Variants in ARHGAP15 observed in about 807,000 individuals in gnomAD.
ARHGAP15 encodes Rho GTPase activating protein 15.
Under a neutral mutation model 63.7 loss-of-function variants are expected in ARHGAP15, and 51 were observed. The observed-to-expected ratio is 0.80, with a 90% CI of 0.64 to 1.01. ARHGAP15 has a LOEUF of 1.01. Among genes scored for constraint, ARHGAP15 ranks in the 50% least tolerant of loss-of-function variants. ARHGAP15 has a pLI of 0.00. For synonymous variants in ARHGAP15, 191 were observed against 193.8 expected (o/e 0.99, Z 0.12); for missense variants, 560 against 564.6 (o/e 0.99, Z 0.08).
chr2:143,526,561 A>G (rs1694291047), intron 10 of ARHGAP15, among the ~76,000 whole-genome samples: 1 of 152,204 alleles, frequency 6.6e-6, no homozygotes, highest in African/African-American at 2.4e-5. Flanking sequence ...AATAGCCTAT[A>G]CTGGTGTCAT....
chr2:143,528,567 A>G (rs896087918), intron 10 of ARHGAP15, among the ~76,000 whole-genome samples: 2 of 152,058 alleles, frequency 1.3e-5, no homozygotes, highest in Admixed American at 6.6e-5. Context: ...TTTCCTCCAA[A>G]TTTACTTCCT....
chr2:143,360,584 G>C (rs1186546343), intron 6 of ARHGAP15, among the ~76,000 whole-genome samples: 1 of 152,034 alleles, frequency 6.6e-6, no homozygotes, highest in Non-Finnish European at 1.5e-5. Flanking sequence ...TTGAAAACAG[G>C]AAACCTGAGT....
At chr2:143,321,408 C>T (rs879100053) in intron 6 of ARHGAP15, among the ~76,000 whole-genome samples, 1 of 152,330 alleles carries the variant, frequency 6.6e-6, no homozygotes, top group African/African-American at 2.4e-5. Flanking sequence ...GTTTTGCTCT[C>T]ATAGTCGGTT....
At chr2:143,201,944 T>A (rs552073613) in intron 2 of ARHGAP15, among the ~76,000 whole-genome samples, 190 bp from the exon 3 acceptor site, 54 of 152,140 alleles carry the variant, frequency 3.5e-4, no homozygotes, top group Non-Finnish European at 5.7e-4. Context: ...GTTTGAGATA[T>A]GCTTGCAGCC....
intron 5 of ARHGAP15, among the ~76,000 whole-genome samples, chr2:143,249,248 C>A (rs1429394575): frequency 6.6e-6 from 1 of 151,880 alleles, no homozygotes; most frequent in African/African-American, 2.4e-5. Flanking sequence ...CTGGGTTTAT[C>A]CTGTAGGAAA....
At chr2:143,148,710 A>G (rs547292127) in intron 1 of ARHGAP15, among the ~76,000 whole-genome samples, 3 of 152,102 alleles carry the variant, frequency 2.0e-5, no homozygotes, top group South Asian at 2.1e-4. Flanking sequence ...AATGTTACCC[A>G]ATGGGGTGGC....
chr2:143,651,240 T>G (rs549397796), intron 12 of ARHGAP15, among the ~76,000 whole-genome samples: 17 of 152,070 alleles, frequency 1.1e-4, no homozygotes, highest in Admixed American at 4.6e-4. Context: ...TCATCAAAAT[T>G]ATGAGCACAA....
At chr2:143,754,355 A>G (rs1302627278) in intron 13 of ARHGAP15, among the ~76,000 whole-genome samples, 2 of 152,206 alleles carry the variant, frequency 1.3e-5, no homozygotes, top group African/African-American at 4.8e-5. Flanking sequence ...GCAGATTAGC[A>G]GCAGAGAAAG....
chr2:143,654,786 T>C (rs948143674), intron 12 of ARHGAP15, among the ~76,000 whole-genome samples: 4 of 152,218 alleles, frequency 2.6e-5, no homozygotes, highest in Non-Finnish European at 4.4e-5. Context: ...TATCCAGTAA[T>C]GTTCTCTTGA....
At chr2:143,279,897 A>ATG (rs1292805201) in intron 6 of ARHGAP15, among the ~76,000 whole-genome samples, 4 of 152,134 alleles carry the variant, frequency 2.6e-5, no homozygotes, top group Admixed American at 2.0e-4. Flanking sequence ...ACAGATAGAG[A>ATG]TGGGCTTATT....
At chr2:143,192,161 CA>C (rs2105092542) in intron 2 of ARHGAP15, among the ~76,000 whole-genome samples, 1 of 152,286 alleles carries the variant, frequency 6.6e-6, no homozygotes, top group South Asian at 2.1e-4. Context: ...TGGTTTTGGC[CA>C]TTGGGTATTT....
intron 6 of ARHGAP15, among the ~76,000 whole-genome samples, chr2:143,264,964 T>C (rs1415486547): frequency 6.6e-6 from 1 of 152,188 alleles, no homozygotes; most frequent in Non-Finnish European, 1.5e-5. Flanking sequence ...TTACTCAGAT[T>C]GTTTACAGAA....
chr2:143,744,371 A>G (rs1423740273), intron 13 of ARHGAP15, among the ~76,000 whole-genome samples: 2 of 152,248 alleles, frequency 1.3e-5, no homozygotes, highest in African/African-American at 4.8e-5. Context: ...GACTACCGCT[A>G]CTTGGCTGAG....
At chr2:143,283,544 T>G (rs1681956714) in intron 6 of ARHGAP15, among the ~76,000 whole-genome samples, 1 of 152,224 alleles carries the variant, frequency 6.6e-6, no homozygotes, top group Non-Finnish European at 1.5e-5. Flanking sequence ...TGTCTGATGC[T>G]GTCAGCCTTT....
intron 1 of ARHGAP15, among the ~76,000 whole-genome samples, chr2:143,140,346 C>T (rs1283587389): frequency 6.6e-6 from 1 of 151,764 alleles, no homozygotes; most frequent in Non-Finnish European, 1.5e-5. Flanking sequence ...GTACCCTCAC[C>T]AAAAATACCC....
chr2:143,177,088 G>A (rs957962332), intron 2 of ARHGAP15, among the ~76,000 whole-genome samples: 1 of 152,184 alleles, frequency 6.6e-6, no homozygotes, highest in African/African-American at 2.4e-5. Context: ...TAAGGGAAAG[G>A]AACATAGATT....
At chr2:143,278,787 C>T (rs563602802) in intron 6 of ARHGAP15, among the ~76,000 whole-genome samples, 1 of 151,832 alleles carries the variant, frequency 6.6e-6, no homozygotes, top group East Asian at 1.9e-4. Context: ...GCCCAGAAGG[C>T]ACTGTGAAAT....
chr2:143,413,524 A>G (rs1220038836), intron 6 of ARHGAP15, among the ~76,000 whole-genome samples: 1 of 152,192 alleles, frequency 6.6e-6, no homozygotes. Context: ...TCAATCAATA[A>G]CAGCTGTAAT....
chr2:143,705,278 A>G (rs951926388), intron 13 of ARHGAP15, among the ~76,000 whole-genome samples: 5 of 152,124 alleles, frequency 3.3e-5, no homozygotes, highest in African/African-American at 1.2e-4. Context: ...ATCTCTTACT[A>G]TTAGAGTGTT....
Sources: allele counts gnomAD v4.1 joint callset (sites outside exome capture counted in the v4.1 genomes callset), GRCh38; gene constraint gnomAD v4.1.1; transcripts MANE v1.5; gene names NCBI Gene and HGNC (gene_info 2026-07-23, HGNC 2026-07-21).